Variants in KIF15 observed in about 807,000 individuals in gnomAD.
KIF15 encodes the protein kinesin family member 15.
KIF15 carries 140 observed loss-of-function variants against 190.6 expected under a neutral mutation model. The ratio of observed to expected loss-of-function variants is 0.73; its 90% CI spans 0.64 to 0.84. The LOEUF (loss-of-function observed/expected upper bound fraction) is 0.84. Among genes scored for constraint, KIF15 ranks in the 40% least tolerant of loss-of-function variants. The pLI is 0.00. For missense variants in KIF15, 1,372 were observed against 1,584.4 expected (o/e 0.87, Z 2.28); for synonymous variants, 528 against 551.3 (o/e 0.96, Z 0.59).
At chr3:44,845,378 T>C (rs1698797678) in intron 30 of KIF15, among the ~76,000 whole-genome samples, 1 of 152,088 alleles carries the variant, frequency 6.6e-6, no homozygotes, top group African/African-American at 2.4e-5. Flanking sequence ...ATGGCTATAA[T>C]GGATTTAGTA....
chr3:44,790,981 C>T (rs1706672629), intron 7 of KIF15, among the ~76,000 whole-genome samples: 1 of 152,026 alleles, frequency 6.6e-6, no homozygotes, highest in Non-Finnish European at 1.5e-5. Context: ...GGGCCCGGCC[C>T]CTTCTGTTTC....
chr3:44,807,968 C>T (rs539870906), intron 16 of KIF15, among the ~76,000 whole-genome samples: 3 of 151,978 alleles, frequency 2.0e-5, no homozygotes, highest in African/African-American at 7.2e-5. Flanking sequence ...CAGAGTCTTG[C>T]TCTGTCACTC....
intron 6 of KIF15, chr3:44,862,439 C>T (rs1172339067): frequency 1.3e-5 from 2 of 152,918 alleles, no homozygotes; most frequent in African/African-American, 2.4e-5. Context: ...AGTTCGCTCT[C>T]GGGGAAGAAC....
intron 5 of KIF15, among the ~76,000 whole-genome samples, chr3:44,783,559 T>A (rs1014789538): frequency 7.0e-6 from 1 of 143,620 alleles, no homozygotes; most frequent in Non-Finnish European, 1.5e-5. Flanking sequence ...AATTTCAACA[T>A]GAGAATTGGG....
intron 5 of KIF15, among the ~76,000 whole-genome samples, chr3:44,784,169 T>C (rs1471840653): frequency 6.6e-6 from 1 of 151,952 alleles, no homozygotes; most frequent in East Asian, 1.9e-4. Flanking sequence ...ACACTCTCAG[T>C]TAATTCTTTC....
intron 13 of KIF15, among the ~76,000 whole-genome samples, chr3:44,802,264 G>A (rs1707312861): frequency 3.9e-5 from 6 of 152,110 alleles, no homozygotes; most frequent in Admixed American, 3.9e-4. Flanking sequence ...GGCTCTTTAG[G>A]GTTGTGCCTT....
intron 5 of KIF15, among the ~76,000 whole-genome samples, chr3:44,781,816 A>T (rs1017882969): frequency 1.3e-5 from 2 of 152,212 alleles, no homozygotes; most frequent in Non-Finnish European, 2.9e-5. Flanking sequence ...ATATATCAAT[A>T]CCCTGTCTGT....
intron 3 of KIF15, 45 bp from the exon 4 acceptor site, chr3:44,778,070 G>T: frequency 6.5e-7 from 1 of 1,530,156 alleles, no homozygotes; most frequent in Non-Finnish European, 9.1e-7. Flanking sequence ...TAGGAAAAAT[G>T]TTTTCATTTT....
intron 6 of KIF15, chr3:44,864,983 G>T (rs1051260166): frequency 3.1e-6 from 5 of 1,605,648 alleles, no homozygotes; most frequent in Non-Finnish European, 4.3e-6. Context: ...TCCCAGGAGA[G>T]TGAGGTTGTG....
At chr3:44,868,211 T>C (rs536365252) in intron 6 of KIF15, among the ~76,000 whole-genome samples, 5 of 152,334 alleles carry the variant, frequency 3.3e-5, no homozygotes, top group South Asian at 2.1e-4. Flanking sequence ...TTATACAACA[T>C]CAATATATGG....
chr3:44,866,500 G>T (rs1476440024), intron 6 of KIF15, among the ~76,000 whole-genome samples: 1 of 152,154 alleles, frequency 6.6e-6, no homozygotes, highest in African/African-American at 2.4e-5. Flanking sequence ...TTCTCCCCTG[G>T]GGTGTCCGAG....
intron 17 of KIF15, among the ~76,000 whole-genome samples, chr3:44,811,693 C>T (rs1575626791): frequency 6.6e-6 from 1 of 152,092 alleles, no homozygotes; most frequent in Admixed American, 6.6e-5. Context: ...AAATTTTAGA[C>T]AGTTTTTAAT....
At chr3:44,831,244 C>T (rs1006785379) in intron 26 of KIF15, among the ~76,000 whole-genome samples, 2 of 152,124 alleles carry the variant, frequency 1.3e-5, no homozygotes, top group East Asian at 1.9e-4. Flanking sequence ...AGATACTCCA[C>T]ACACGTTCAC....
At chr3:44,846,229 A>T (rs1203584831) in intron 30 of KIF15, among the ~76,000 whole-genome samples, 1 of 152,212 alleles carries the variant, frequency 6.6e-6, no homozygotes, top group Non-Finnish European at 1.5e-5. Context: ...AACTCAGCCA[A>T]GCACAGTTGG....
intron 1 of KIF15, 34 bp from the exon 2 acceptor site, chr3:44,774,361 T>G: frequency 6.3e-7 from 1 of 1,597,136 alleles, no homozygotes; most frequent in Admixed American, 1.7e-5. Flanking sequence ...ATATTACAAT[T>G]TAAATGACCT....
At chr3:44,784,741 G>T in intron 5 of KIF15, 104 bp from the exon 6 acceptor site, 1 of 661,900 alleles carries the variant, frequency 1.5e-6, no homozygotes. Context: ...GCACAAGTAG[G>T]AAACTGATTG....
At chr3:44,778,459 T>C (rs1474002962) in intron 4 of KIF15, among the ~76,000 whole-genome samples, 1 of 152,194 alleles carries the variant, frequency 6.6e-6, no homozygotes. Context: ...TTACTTAGCT[T>C]ACAGCCCTGT....
chr3:44,786,509 A>C lies in KIF15; in HGVS notation c.574A>C (p.Lys192Gln). ...SAGLYLREHI[K>Q]KGVFVVGAVE... is the part of the protein sequence containing the mutation. ...TGGACTGTACTTAAGGGAGCATATC[A>C]AGAAGGGAGTCTTTGTTGTTGGTGC... The change falls in exon 7 of 35, where the codon AAG becomes CAG. Residue 192 changes from lysine to glutamine, a missense_variant. Lys to Gln is a moderately conservative substitution (Grantham distance 53). Coordinates refer to ENST00000326047, the MANE Select transcript of KIF15 (RefSeq NM_020242.3). 1.2e-6 allele frequency: 2 copies of C among 1,613,558 alleles called. No homozygotes were observed. Among genetic ancestry groups the C allele is most frequent in the Non-Finnish European group, 1.7e-6 (2 of 1,179,628 alleles).
rs539197155 is a variant in KIF15, at chr3:44,768,209, G to C, written c.20-6186G>C. 1.4e-3 allele frequency among the ~76,000 whole-genome samples: 213 copies of C among 151,896 alleles called. 1 individual carries two copies. Among genetic ancestry groups the C allele is most frequent in the Middle Eastern group, 3.4e-3 (1 of 294 alleles). On this transcript the variant is annotated intron_variant, in intron 1 of 34. Transcript: ENST00000326047. ...GAATTGCTTGAATCTGGGAGGTGGA[G>C]GTTGCAGTGAGCCAAGATCGTGGCA...
Sources: gnomAD v4.1 joint callset for allele counts (sites outside exome capture counted in the v4.1 genomes callset) on GRCh38, gnomAD v4.1.1 for gene constraint, MANE v1.5 for transcripts, NCBI Gene and HGNC (gene_info 2026-07-23, HGNC 2026-07-21) for gene names.